Variants in ZNF264 observed in about 807,000 individuals in gnomAD.
ZNF264 encodes zinc finger protein 264.
In ZNF264, 11 loss-of-function variants were observed where a neutral mutation model predicts 11.2. The observed-to-expected ratio is 0.98, with a 90% CI of 0.62 to 1.63. The LOEUF is 1.63. Among genes scored for constraint, ZNF264 ranks in the 40% most tolerant of loss-of-function variants. ZNF264 has a pLI of 0.00. For missense variants in ZNF264, 752 were observed against 768.1 expected (o/e 0.98, Z 0.25); for synonymous variants, 309 against 279.8 (o/e 1.10, Z -1.04).
chr19:57,206,666 G>T (rs1278724101), intron 3 of ZNF264, among the ~76,000 whole-genome samples: 1 of 151,486 alleles, frequency 6.6e-6, no homozygotes, highest in East Asian at 1.9e-4. Flanking sequence ...AAAGAGTGAT[G>T]CTATGTTACA....
Position 57,191,878 on chromosome 19 carries a change from C to A in ZNF264, c.-36C>A. On this transcript the variant is annotated 5_prime_UTR_variant, in exon 1 of 4. Coordinates refer to ENST00000263095, the MANE Select transcript of ZNF264 (RefSeq NM_003417.5). ...GGGGTCCGTCAGGCCGCCCGGGGCT[C>A]CTCTGTCCCAGCTCTGCGGCCCAGG... 7.3e-7 allele frequency: 1 copy of A among 1,363,450 alleles called. No individual in the cohort carries two copies. Among genetic ancestry groups the A allele is most frequent in the Non-Finnish European group, 9.5e-7 (1 of 1,054,538 alleles). 84.5% of individuals were successfully genotyped at this position (1,363,450 alleles called of 1,614,324 possible).
intron 1 of ZNF264, chr19:57,192,598 C>A: frequency 1.0e-6 from 1 of 983,482 alleles, no homozygotes; most frequent in Non-Finnish European, 1.2e-6. Context: ...CTTGGGGGAT[C>A]TGGGAGACCC....
intron 1 of ZNF264, 32 bp from the exon 2 acceptor site, chr19:57,193,843 G>A (rs1386551938): frequency 1.2e-6 from 2 of 1,612,226 alleles, no homozygotes; most frequent in Non-Finnish European, 1.7e-6. Context: ...CAGCTGAAAG[G>A]CCAATACTAC....
intron 2 of ZNF264, chr19:57,194,899 G>T: frequency 2.5e-6 from 1 of 399,666 alleles, no homozygotes; most frequent in South Asian, 1.3e-4. Context: ...TGTTACTGGT[G>T]GGAAGTATTA....
At chr19:57,202,790 G>A (rs2087262829) in intron 2 of ZNF264, among the ~76,000 whole-genome samples, 2 of 151,802 alleles carry the variant, frequency 1.3e-5, no homozygotes, top group African/African-American at 4.9e-5. Flanking sequence ...TCCGTGAGCT[G>A]CTCCAGCAAA....
Position 57,211,351 on chromosome 19 carries a change from C to T in ZNF264, c.257-3C>T. 6.3e-7 allele frequency: 1 copy of T among 1,585,194 alleles called. No individual in the cohort carries two copies. The highest frequency in any genetic ancestry group is 8.6e-7 in the Non-Finnish European group (1 of 1,164,136). On this transcript the variant is annotated splice_polypyrimidine_tract_variant and splice_region_variant and intron_variant, in intron 3 of 3. Coordinates refer to ENST00000263095, the MANE Select transcript of ZNF264 (RefSeq NM_003417.5). ...GCCCTTTTGTGTGCTGGATTTCTTT[C>T]AGGCGACAAAGGAAAACCTAAGACC... is the stretch of plus-strand genomic sequence containing the variant.
At chr19:57,197,924 C>G (rs1351759229) in intron 2 of ZNF264, among the ~76,000 whole-genome samples, 1 of 152,002 alleles carries the variant, frequency 6.6e-6, no homozygotes, top group East Asian at 1.9e-4. Flanking sequence ...TTTGCTACTT[C>G]TTGCTACTGG....
Position 57,218,668 on chromosome 19 carries a change from T to A in ZNF264, c.*5687T>A, listed in dbSNP as rs2087396941. 6.6e-6 allele frequency: 1 copy of A among 152,200 alleles called. No individual in the cohort carries two copies. Among genetic ancestry groups the A allele is most frequent in the Non-Finnish European group, 1.5e-5 (1 of 68,038 alleles). The allele number at this position is 152,200 out of a possible 1,614,324, so 9.4% of individuals were successfully genotyped here. A position where few individuals can be genotyped will look rare whatever the true frequency, so the allele number is the denominator to read the frequency against. ...GCTCTCATCTTTTTTCTTTTTCCAG[T>A]CTATTTTCTGTCTTGTTAATATTGA... On this transcript the variant is annotated 3_prime_UTR_variant, in exon 4 of 4. Coordinates refer to ENST00000263095, the MANE Select transcript of ZNF264 (RefSeq NM_003417.5).
chr19:57,212,324 C>G lies in ZNF264; in HGVS notation c.1227C>G (p.Asn409Lys). ...GCCTCGAGTGTGGGAAGGCTTTCAA[C>G]CACCGATCCTACCTCAAGAGGCACC... ...FECLECGKAF[N>K]HRSYLKRHQR... Residue 409 changes from asparagine to lysine, a missense_variant, in exon 4 of 4, where the codon AAC becomes AAG. Asn to Lys is a moderately conservative substitution (Grantham distance 94). Transcript: ENST00000263095. The G allele has an allele frequency of 4.3e-6, 7 of 1,613,252 alleles. No homozygotes were observed. The highest frequency in any genetic ancestry group is 5.9e-6 in the Non-Finnish European group (7 of 1,179,798).
chr19:57,193,820 T>C, intron 1 of ZNF264, 55 bp from the exon 2 acceptor site: 2 of 1,603,412 alleles, frequency 1.2e-6, no homozygotes, highest in Non-Finnish European at 1.7e-6. Context: ...GCACAGTCTG[T>C]GATCTCATTC....
In ZNF264 at chr19:57,191,878, C is replaced by T. The variant is rs529969493; in HGVS notation, c.-36C>T. On this transcript the variant is annotated 5_prime_UTR_variant, in exon 1 of 4. Transcript: ENST00000263095. ...GGGGTCCGTCAGGCCGCCCGGGGCT[C>T]CTCTGTCCCAGCTCTGCGGCCCAGG... The T allele has an allele frequency of 4.4e-6, 6 of 1,363,450 alleles. No homozygotes were observed. The East Asian group carries it at 8.6e-5, about 19-fold the overall frequency. The allele number at this position is 1,363,450 out of a possible 1,614,324, so 84.5% of individuals were successfully genotyped here. A position where few individuals can be genotyped will look rare whatever the true frequency, so the allele number is the denominator to read the frequency against.
rs2087341996 is a variant in ZNF264 at position 57,212,081 on chromosome 19, A to C, written c.984A>C (p.Pro328=). The part of the protein sequence containing the change: ...TECGQVFRHR[P]GFLRHYVVHS... The stretch of plus-strand genomic sequence containing the variant: ...GTGGCCAAGTCTTTCGACATAGGCC[A>C]GGCTTTCTCCGGCACTATGTTGTCC... The change falls in exon 4 of 4, where the codon CCA becomes CCC. Residue 328 remains proline (P), a synonymous_variant. Coordinates refer to ENST00000263095, the MANE Select transcript of ZNF264 (RefSeq NM_003417.5). 3 of 1,614,184 alleles carry C rather than the reference A, an allele frequency of 1.9e-6. No individual in the cohort carries two copies. The highest frequency in any genetic ancestry group is 2.5e-6 in the Non-Finnish European group (3 of 1,180,040).
intron 2 of ZNF264, among the ~76,000 whole-genome samples, chr19:57,195,127 G>A (rs2087202852): frequency 6.6e-6 from 1 of 152,084 alleles, no homozygotes; most frequent in African/African-American, 2.4e-5. Context: ...CACATCTCCT[G>A]AGATCATACA....
rs1308674580 is a variant in ZNF264 at position 57,212,161 on chromosome 19, G to A, written c.1064G>A (p.Arg355Lys). The A allele has an allele frequency of 6.2e-7, 1 of 1,614,118 alleles. No homozygotes were observed. ...GAGTGTGGCAAGGTCTTCAAACACA[G>A]GTCATATCTCATGTGGCACCAGCAG... ...CLECGKVFKH[R>K]SYLMWHQQTH... The change falls in exon 4 of 4, where the codon AGG becomes AAG. Residue 355 changes from arginine (R) to lysine (K), a missense_variant. Coordinates refer to ENST00000263095, the MANE Select transcript of ZNF264 (RefSeq NM_003417.5).
intron 1 of ZNF264, 140 bp downstream of exon 1, chr19:57,192,086 T>A: frequency 2.4e-6 from 2 of 845,598 alleles, no homozygotes; most frequent in Non-Finnish European, 3.3e-6. Context: ...GTTTGCCACT[T>A]AATTTATACC....
intron 2 of ZNF264, among the ~76,000 whole-genome samples, chr19:57,203,599 T>C (rs1485359868): frequency 6.6e-6 from 1 of 152,208 alleles, no homozygotes; most frequent in East Asian, 1.9e-4. Flanking sequence ...TTATGAAATG[T>C]TGGTGAGAGT....
chr19:57,193,730 C>G, intron 1 of ZNF264, 145 bp from the exon 2 acceptor site: 1 of 1,248,398 alleles, frequency 8.0e-7, no homozygotes, highest in Non-Finnish European at 1.1e-6. Flanking sequence ...TATCTTCCCT[C>G]TTGAGCCCAG....
rs61730300 is a variant in ZNF264, at chr19:57,205,400, G to A, written c.164G>A (p.Cys55Tyr). 5.2e-4 allele frequency: 836 copies of A among 1,608,740 alleles called. 7 individuals carry two copies. In the African/African-American group the frequency reaches 0.01, roughly 19 times the overall value. Residue 55 changes from cysteine to tyrosine, a missense_variant, in exon 3 of 4, where the codon TGT (cysteine) becomes TAT (tyrosine). Cys to Tyr is a radical substitution (Grantham distance 194, BLOSUM62 -2). Coordinates refer to ENST00000263095, the MANE Select transcript of ZNF264 (RefSeq NM_003417.5). ...ENCGLLVSLG[C>Y]PVPKAELICH... is the part of the protein sequence containing the mutation. ...CACTTGCTTTCTCCATAAACAGGGT[G>A]TCCTGTTCCCAAAGCTGAGCTGATC...
chr19:57,207,825 C>T lies in ZNF264; in HGVS notation c.256+2333C>T, dbSNP rs533669608. Among the ~76,000 whole-genome samples, 23 of 151,898 alleles carry T rather than the reference C, an allele frequency of 1.5e-4. 1 individual carries two copies. The highest frequency in any genetic ancestry group is 6.8e-3 in the Middle Eastern group (2 of 294). On this transcript the variant is annotated intron_variant, in intron 3 of 3. Transcript: ENST00000263095. Reference sequence around the variant, plus strand: ...TACTGCAACCTCCGCCTCCCAGGTTCAAGCGATTCTCCTGCCTCAGCCTCC... The same window carrying T: ...TACTGCAACCTCCGCCTCCCAGGTTTAAGCGATTCTCCTGCCTCAGCCTCC...
Sources: gnomAD v4.1 joint callset for allele counts (sites outside exome capture counted in the v4.1 genomes callset) on GRCh38, gnomAD v4.1.1 for gene constraint, MANE v1.5 for transcripts, NCBI Gene and HGNC (gene_info 2026-07-23, HGNC 2026-07-21) for gene names.